The following ZNF827 variants were observed in gnomAD, a reference collection of about 807,000 sequenced individuals.
ZNF827 encodes zinc finger protein 827.
In ZNF827, 13 loss-of-function variants were observed where a neutral mutation model predicts 102.4. The ratio of observed to expected loss-of-function variants is 0.13; its 90% CI spans 0.08 to 0.20. ZNF827 has a LOEUF of 0.20. Ranked by LOEUF, ZNF827 falls within the 10% of genes least tolerant of loss-of-function variation. ZNF827 has a pLI of 1.00. For synonymous variants in ZNF827, 523 were observed against 536.2 expected (o/e 0.98, Z 0.34); for missense variants, 1,103 against 1,344.4 (o/e 0.82, Z 2.81).
At chr4:145,867,481 C>T (rs1033267911) in intron 5 of ZNF827, among the ~76,000 whole-genome samples, 3 of 152,212 alleles carry the variant, frequency 2.0e-5, no homozygotes, top group African/African-American at 7.2e-5. Flanking sequence ...GAAAATGAAG[C>T]AGCCAAAATT....
At chr4:145,807,069 T>G (rs1165688965) in intron 8 of ZNF827, among the ~76,000 whole-genome samples, 1 of 152,248 alleles carries the variant, frequency 6.6e-6, no homozygotes, top group Non-Finnish European at 1.5e-5. Flanking sequence ...GGATTTCACA[T>G]CTTTATTAAT....
intron 6 of ZNF827, among the ~76,000 whole-genome samples, chr4:145,847,742 A>G (rs1020688964): frequency 6.6e-6 from 1 of 152,238 alleles, no homozygotes; most frequent in Non-Finnish European, 1.5e-5. Flanking sequence ...GGCCAACTGT[A>G]TAAGAGTTTC....
chr4:145,862,493 T>C (rs999023760), intron 5 of ZNF827, among the ~76,000 whole-genome samples: 4 of 152,220 alleles, frequency 2.6e-5, no homozygotes, highest in African/African-American at 9.6e-5. Context: ...CTAATTCTTA[T>C]TTATATTTCA....
chr4:145,841,918 T>TTA (rs1560986764), intron 7 of ZNF827, among the ~76,000 whole-genome samples: 1 of 142,630 alleles, frequency 7.0e-6, no homozygotes, highest in Non-Finnish European at 1.5e-5. Flanking sequence ...GTTCTTAGGA[T>TTA]AAAAAAAAAA....
At chr4:145,812,821 C>T (rs1398438045) in intron 8 of ZNF827, among the ~76,000 whole-genome samples, 1 of 152,194 alleles carries the variant, frequency 6.6e-6, no homozygotes, top group East Asian at 1.9e-4. Flanking sequence ...AGCCACCACG[C>T]CTGACCTAAA....
intron 5 of ZNF827, among the ~76,000 whole-genome samples, chr4:145,856,442 T>C (rs941902234): frequency 1.3e-5 from 2 of 152,170 alleles, no homozygotes; most frequent in African/African-American, 4.8e-5. Flanking sequence ...TGAACTCCAA[T>C]ACTGGGGCTT....
At chr4:145,846,433 G>A (rs1291109930) in intron 6 of ZNF827, among the ~76,000 whole-genome samples, 22 of 151,000 alleles carry the variant, frequency 1.5e-4, no homozygotes, top group Non-Finnish European at 2.9e-4. Flanking sequence ...AGCCGAGATC[G>A]CGCCACTACA....
At chr4:145,892,467 G>T in intron 2 of ZNF827, 52 bp from the exon 3 acceptor site, 2 of 1,525,940 alleles carry the variant, frequency 1.3e-6, no homozygotes, top group Non-Finnish European at 8.8e-7. Flanking sequence ...AAGGTACACT[G>T]CATCTGGCAT....
intron 4 of ZNF827, 86 bp downstream of exon 4, chr4:145,885,592 A>G: frequency 6.8e-7 from 1 of 1,470,048 alleles, no homozygotes; most frequent in Non-Finnish European, 9.0e-7. Flanking sequence ...TACAAATAAG[A>G]ATACTGGTAG....
At chr4:145,931,551 C>T (rs1467766272) in intron 1 of ZNF827, among the ~76,000 whole-genome samples, 2 of 152,206 alleles carry the variant, frequency 1.3e-5, no homozygotes, top group Non-Finnish European at 2.9e-5. Context: ...AAATCCTTAA[C>T]GCCCCCTAAA....
intron 11 of ZNF827, among the ~76,000 whole-genome samples, chr4:145,768,888 AAAATATATATATATATATATATAT>A (rs1579097714): frequency 8.0e-5 from 1 of 12,552 alleles, no homozygotes; most frequent in East Asian, 3.0e-3. Context: ...AAAAAAAAAA[AAAATATATATATATATATATATAT>A]ATATTAGGTA....
chr4:145,838,109 T>C (rs1444071385), intron 7 of ZNF827, among the ~76,000 whole-genome samples: 1 of 152,220 alleles, frequency 6.6e-6, no homozygotes, highest in Non-Finnish European at 1.5e-5. Flanking sequence ...CTTGCACGTA[T>C]ATGCCCAGAT....
intron 8 of ZNF827, among the ~76,000 whole-genome samples, chr4:145,817,310 G>C (rs549504533): frequency 1.4e-4 from 21 of 152,226 alleles, no homozygotes; most frequent in Non-Finnish European, 2.5e-4. Context: ...CTAGCATATA[G>C]TTTTGGCCCT....
intron 11 of ZNF827, among the ~76,000 whole-genome samples, chr4:145,768,180 T>C (rs1021905547): frequency 3.3e-5 from 5 of 152,202 alleles, no homozygotes; most frequent in Non-Finnish European, 7.4e-5. Flanking sequence ...TACTCTTTTT[T>C]TGGAGACAGG....
intron 9 of ZNF827, among the ~76,000 whole-genome samples, chr4:145,776,252 C>T (rs1737063522): frequency 6.6e-6 from 1 of 151,984 alleles, no homozygotes; most frequent in Non-Finnish European, 1.5e-5. Flanking sequence ...AGGACAGGAG[C>T]TCGAGACCAG....
intron 11 of ZNF827, among the ~76,000 whole-genome samples, chr4:145,767,052 A>G (rs915917341): frequency 2.0e-5 from 3 of 152,208 alleles, no homozygotes; most frequent in African/African-American, 7.2e-5. Context: ...AGGTGATCAG[A>G]TGTGCAAAAA....
At chr4:145,866,883 T>C (rs1507928) in intron 5 of ZNF827, among the ~76,000 whole-genome samples, 68,041 of 152,124 alleles carry the variant, frequency 0.45, 15,487 homozygotes, top group Admixed American at 0.54. Context: ...TTTTGTGTCA[T>C]TTTCAGCATT....
chr4:145,779,573 C>A, intron 8 of ZNF827, 62 bp from the exon 9 acceptor site: 2 of 1,576,464 alleles, frequency 1.3e-6, no homozygotes, highest in South Asian at 2.4e-5. Context: ...TTCTGTTAGT[C>A]AACATTCAGG....
At chr4:145,842,000 A>G (rs1560986863) in intron 7 of ZNF827, among the ~76,000 whole-genome samples, 1 of 152,194 alleles carries the variant, frequency 6.6e-6, no homozygotes, top group Non-Finnish European at 1.5e-5. Context: ...AAAATAATCT[A>G]CAGGGAGGGG....
Sources: gnomAD v4.1 joint callset for allele counts (sites outside exome capture counted in the v4.1 genomes callset) on GRCh38, gnomAD v4.1.1 for gene constraint, MANE v1.5 for transcripts, NCBI Gene and HGNC (gene_info 2026-07-23, HGNC 2026-07-21) for gene names.